BRCA1: variants seen among roughly 807,000 people sequenced by gnomAD.
BRCA1 encodes the protein breast cancer type 1 susceptibility protein.
BRCA1 carries 140 observed loss-of-function variants against 173.7 expected under a neutral mutation model. That is an observed-to-expected ratio of 0.81 (90% CI 0.70 to 0.93). The LOEUF (loss-of-function observed/expected upper bound fraction) is 0.93. Ranked by LOEUF, BRCA1 falls within the 40% of genes least tolerant of loss-of-function variation. The probability of loss-of-function intolerance (pLI) is 0.00; values close to 1 mark genes in which losing one functional copy is unlikely to be tolerated. For missense variants in BRCA1, 1,983 were observed against 2,172.5 expected (o/e 0.91, Z 1.73); for synonymous variants, 662 against 756.0 (o/e 0.88, Z 2.04).
At chr17:43,126,638 C>T (rs891381321), upstream of BRCA1, among the ~76,000 whole-genome samples, 3 of 152,320 alleles carry the variant, frequency 2.0e-5, no homozygotes, top group Middle Eastern at 3.4e-3. Flanking sequence ...CGAAAAGCGC[C>T]GGAGAGTTGG....
At chr17:43,104,331 C>A (rs147809611) in intron 5 of BRCA1, 70 bp from the exon 6 acceptor site, 1 of 1,492,544 alleles carries the variant, frequency 6.7e-7, no homozygotes, top group Non-Finnish European at 9.2e-7. Flanking sequence ...TCAAAGAAAC[C>A]AAGAGAAACC....
At chr17:43,100,594 A>ATG (rs1412298684) in intron 6 of BRCA1, among the ~76,000 whole-genome samples, 5 of 20,682 alleles carry the variant, frequency 2.4e-4, no homozygotes, top group East Asian at 1.3e-3. Flanking sequence ...ACATATATAT[A>ATG]TTATATATAT....
chr17:43,138,497 C>T, intron 1 of BRCA1: 1 of 631,632 alleles, frequency 1.6e-6, no homozygotes, highest in East Asian at 2.7e-5. Context: ...TCCATGCCTT[C>T]TTCTTTTGCA....
chr17:43,155,736 T>C (rs1455671867), intron 1 of BRCA1, among the ~76,000 whole-genome samples: 2 of 152,070 alleles, frequency 1.3e-5, no homozygotes, highest in Non-Finnish European at 2.9e-5. Context: ...GGTTGCACCA[T>C]GTTGCCCAGG....
chr17:43,139,884 T>G (rs370219046), intron 1 of BRCA1: 155 of 472,780 alleles, frequency 3.3e-4, no homozygotes, highest in Non-Finnish European at 5.9e-4. Context: ...TTCTTTTTTA[T>G]GATTGCACAT....
intron 2 of BRCA1, among the ~76,000 whole-genome samples, chr17:43,120,555 G>C (rs796473027): frequency 1.2e-4 from 18 of 151,962 alleles, no homozygotes; most frequent in African/African-American, 4.3e-4. Flanking sequence ...CACGAGGTCA[G>C]GAAGTGGAGA....
rs1001675222 is a variant in BRCA1, at chr17:43,049,600, C to T, written c.5333-406G>A. Among the ~76,000 whole-genome samples, 1 of 152,154 alleles carries T rather than the reference C, an allele frequency of 6.6e-6. No homozygotes were observed. The highest frequency in any genetic ancestry group is 1.5e-5 in the Non-Finnish European group (1 of 68,044). On this transcript the variant is annotated intron_variant, in intron 20 of 22. Transcript: ENST00000357654. Reference sequence around the variant, plus strand: ...TGTTGGTAACTGATAATCACGGCCACTGAAAATACCATACTTGGTGGTAAT... The same window carrying T: ...TGTTGGTAACTGATAATCACGGCCATTGAAAATACCATACTTGGTGGTAAT...
intron 13 of BRCA1, among the ~76,000 whole-genome samples, chr17:43,075,459 G>A (rs1054646259): frequency 6.6e-6 from 1 of 152,092 alleles, no homozygotes. Context: ...GGGCCTCAGA[G>A]GTTAATTAAT....
chr17:43,148,997 C>T (rs1349216651), intron 1 of BRCA1, among the ~76,000 whole-genome samples: 1 of 152,114 alleles, frequency 6.6e-6, no homozygotes, highest in African/African-American at 2.4e-5. Context: ...GGATACTGCC[C>T]CCACACACCA....
chr17:43,142,826 C>G (rs1211365209), intron 1 of BRCA1, among the ~76,000 whole-genome samples: 2 of 152,060 alleles, frequency 1.3e-5, no homozygotes, highest in Non-Finnish European at 2.9e-5. Context: ...TCACCACAAC[C>G]TCCACTTCCC....
Position 43,046,288 on chromosome 17 carries a change from T to G in BRCA1, c.5468-486A>C, listed in dbSNP as rs2050915107. ...TCTTGTTGCTCAGCCTGGAATGCAA[T>G]GGCACGATCTCAGCTCACTGCAACC... is the stretch of plus-strand genomic sequence containing the variant. On this transcript the variant is annotated intron_variant, in intron 22 of 22. Transcript: ENST00000357654. Among the ~76,000 whole-genome samples the G allele has an allele frequency of 2.2e-5, 3 of 138,352 alleles. 1 individual carries two copies. In the South Asian group the frequency reaches 7.5e-4, roughly 35 times the overall value. The allele number at this position is 138,352 out of a possible 152,430, so 90.8% of individuals were successfully genotyped here. A position where few individuals can be genotyped will look rare whatever the true frequency, so the allele number is the denominator to read the frequency against.
chr17:43,157,625 G>A (rs1000251382), intron 1 of BRCA1, among the ~76,000 whole-genome samples: 6 of 152,138 alleles, frequency 3.9e-5, no homozygotes, highest in African/African-American at 1.4e-4. Flanking sequence ...GAACCTGGGA[G>A]GTAGAAGTTG....
rs776999497 is a variant in BRCA1 at position 43,094,665 on chromosome 17, C to T, written c.866G>A (p.Ser289Asn). Residue 289 changes from serine to asparagine, a missense_variant, in exon 10 of 23, where the codon AGT becomes AAT. By Grantham distance (46) the Ser-to-Asn change is conservative. Coordinates refer to ENST00000357654, the MANE Select transcript of BRCA1 (RefSeq NM_007294.4). ...HASSLQHENS[S>N]LLLTKDRMNV... ...CATTCTGTCTTTAGTGAGTAATAAA[C>T]TGCTGTTCTCATGCTGTAATGAGCT... 1.2e-6 allele frequency: 2 copies of T among 1,614,090 alleles called. No individual in the cohort carries two copies. Among genetic ancestry groups the T allele is most frequent in the African/African-American group, 1.3e-5 (1 of 75,028 alleles).
chr17:43,067,836 ATTTT>A, intron 15 of BRCA1, 141 bp from the exon 16 acceptor site: 34 of 214,958 alleles, frequency 1.6e-4, no homozygotes, highest in East Asian at 4.5e-4. Flanking sequence ...TTTAAAGTGA[ATTTT>A]TTTTTTTTTT....
At position 43,097,444 on chromosome 17, in the gene BRCA1, C is replaced by T. The variant is rs139893476; in HGVS notation, c.548-155G>A. Reference sequence around the variant, plus strand: ...ATGCTAGTTAAGCTAGTATGTAATACAGAGAAGTGGTTAAAGGCATGGGCT... The same window carrying T: ...ATGCTAGTTAAGCTAGTATGTAATATAGAGAAGTGGTTAAAGGCATGGGCT... On this transcript the variant is annotated intron_variant, in intron 7 of 22. Coordinates refer to ENST00000357654, the MANE Select transcript of BRCA1 (RefSeq NM_007294.4). Among the ~76,000 whole-genome samples, 293 of 152,240 alleles carry T rather than the reference C, an allele frequency of 1.9e-3. 3 individuals are homozygous for T. The highest frequency in any genetic ancestry group is 6.4e-3 in the African/African-American group (266 of 41,554).
intron 1 of BRCA1, among the ~76,000 whole-genome samples, chr17:43,124,335 G>A (rs1300609277): frequency 1.3e-5 from 2 of 152,106 alleles, no homozygotes; most frequent in Non-Finnish European, 1.5e-5. Flanking sequence ...ACATATTGCT[G>A]CCAACCCCTT....
intron 1 of BRCA1, among the ~76,000 whole-genome samples, chr17:43,145,699 G>C (rs1007517126): frequency 3.3e-5 from 5 of 152,156 alleles, no homozygotes; most frequent in African/African-American, 1.2e-4. Context: ...TTTTGAGAAG[G>C]AGGGAATCCC....
At chr17:43,135,288 G>A (rs2056008716) in intron 1 of BRCA1, among the ~76,000 whole-genome samples, 1 of 138,576 alleles carries the variant, frequency 7.2e-6, no homozygotes, top group African/African-American at 2.5e-5. Context: ...GGGAGCCACA[G>A]AGCGCAGCGG....
At chr17:43,139,850 G>C (rs540735564) in intron 1 of BRCA1, 1 of 468,170 alleles carries the variant, frequency 2.1e-6, no homozygotes, top group Admixed American at 2.3e-5. Context: ...ATCCATCTGT[G>C]TTCCTACAAA....
Sources: gnomAD v4.1 joint callset for allele counts (sites outside exome capture counted in the v4.1 genomes callset) on GRCh38, gnomAD v4.1.1 for gene constraint, MANE v1.5 for transcripts, NCBI Gene and HGNC (gene_info 2026-07-23, HGNC 2026-07-21) for gene names.